Variants in ACLY observed in about 807,000 individuals in gnomAD.
ACLY encodes the protein ATP-citrate synthase.
ACLY carries 41 observed loss-of-function variants against 133.0 expected under a neutral mutation model. That is an observed-to-expected ratio of 0.31 (90% CI 0.24 to 0.40). The LOEUF is 0.40. ACLY is among the 10% of genes least tolerant of loss of function. The pLI is 1.00. For synonymous variants in ACLY, 495 were observed against 549.3 expected, an observed-to-expected ratio of 0.90 and a Z score of 1.38; for missense variants, 1,046 against 1,453.8, an observed-to-expected ratio of 0.72 and a Z score of 4.56.
intron 16 of ACLY, among the ~76,000 whole-genome samples, chr17:41,889,479 G>A (rs951011083): frequency 2.0e-4 from 23 of 114,724 alleles, no homozygotes; most frequent in African/African-American, 5.0e-4. Flanking sequence ...AGATCACGCC[G>A]CTGTACTCAC....
At chr17:41,892,478 T>A in intron 15 of ACLY, 31 bp from the exon 16 acceptor site, 1 of 1,598,924 alleles carries the variant, frequency 6.3e-7, no homozygotes, top group Non-Finnish European at 8.5e-7. Context: ...AATTAGGATA[T>A]CCTCAACCTG....
intron 18 of ACLY, among the ~76,000 whole-genome samples, chr17:41,885,275 G>A (rs1190389977): frequency 6.6e-6 from 1 of 152,082 alleles, no homozygotes; most frequent in East Asian, 1.9e-4. Flanking sequence ...TGGTCAGGCA[G>A]TACCCAAGGA....
chr17:41,888,138 A>C (rs2049104396), intron 16 of ACLY, among the ~76,000 whole-genome samples: 1 of 152,020 alleles, frequency 6.6e-6, no homozygotes, highest in African/African-American at 2.4e-5. Flanking sequence ...AAAAACAAAA[A>C]CAAAACAAAA....
chr17:41,910,684 C>G (rs1469826980), intron 3 of ACLY, among the ~76,000 whole-genome samples: 1 of 152,208 alleles, frequency 6.6e-6, no homozygotes, highest in African/African-American at 2.4e-5. Flanking sequence ...AGCCTCAGGA[C>G]ATGGGTCCGG....
At chr17:41,916,338 T>C (rs1490690695) in intron 1 of ACLY, among the ~76,000 whole-genome samples, 1 of 151,952 alleles carries the variant, frequency 6.6e-6, no homozygotes, top group Non-Finnish European at 1.5e-5. Context: ...ATCGCAACTT[T>C]AGTGGTTCAG....
At chr17:41,907,392 T>TC in intron 7 of ACLY, 50 bp downstream of exon 7, 4 of 1,491,976 alleles carry the variant, frequency 2.7e-6, no homozygotes, top group Non-Finnish European at 3.6e-6. Flanking sequence ...ATGAGTCACC[T>TC]CCCCACCGCC....
intron 24 of ACLY, 55 bp from the exon 25 acceptor site, chr17:41,871,887 G>T: frequency 6.2e-7 from 1 of 1,607,632 alleles, no homozygotes. Flanking sequence ...CCTTCAGCTG[G>T]GCAAACCAAC....
At chr17:41,868,174 C>G (rs539754691) in intron 28 of ACLY, among the ~76,000 whole-genome samples, 1 of 151,946 alleles carries the variant, frequency 6.6e-6, no homozygotes, top group East Asian at 1.9e-4. Flanking sequence ...CACGGTGGTT[C>G]ACGCCTGTAA....
At chr17:41,879,604 G>A (rs550002818) in intron 20 of ACLY, among the ~76,000 whole-genome samples, 5 of 109,450 alleles carry the variant, frequency 4.6e-5, no homozygotes, top group East Asian at 3.3e-4. Context: ...CCAAGATTGC[G>A]CCACTGCACT....
intron 3 of ACLY, among the ~76,000 whole-genome samples, chr17:41,911,265 C>T (rs544363619): frequency 6.6e-6 from 1 of 152,334 alleles, no homozygotes; most frequent in East Asian, 1.9e-4. Context: ...AAGAGAACAG[C>T]TCATCCCTGG....
Position 41,913,743 on chromosome 17 carries a change from A to T in ACLY, c.131T>A (p.Leu44Gln), listed in dbSNP as rs781951383. ...GCTGAGCAGCCAGGGGTGGTCCTGCAGCAAGCGGGCCCAGTCTGTGTCAGG... is the reference window on the plus strand; with the variant it reads ...GCTGAGCAGCCAGGGGTGGTCCTGCTGCAAGCGGGCCCAGTCTGTGTCAGG... Reference protein sequence around the residue: ...VTPDTDWARLLQDHPWLLSQN... With the variant: ...VTPDTDWARLQQDHPWLLSQN... The change falls in exon 2 of 29, where the codon CTG becomes CAG. Residue 44 changes from leucine (L) to glutamine (Q), a missense_variant. By Grantham distance (113) the Leu-to-Gln change is moderately radical (BLOSUM62 -2). Coordinates refer to ENST00000352035, the MANE Select transcript of ACLY (RefSeq NM_001096.3). The T allele has an allele frequency of 4.3e-6, 7 of 1,614,084 alleles. No homozygotes were observed. Among genetic ancestry groups the T allele is most frequent in the Admixed American group, 1.7e-5 (1 of 60,008 alleles).
At chr17:41,900,635 G>A (rs2049512006) in intron 11 of ACLY, among the ~76,000 whole-genome samples, 1 of 151,986 alleles carries the variant, frequency 6.6e-6, no homozygotes, top group African/African-American at 2.4e-5. Context: ...TGAGGAGGGA[G>A]GATCACTTGA....
At chr17:41,882,346 G>A (rs1487888249) in intron 20 of ACLY, among the ~76,000 whole-genome samples, 5 of 111,558 alleles carry the variant, frequency 4.5e-5, no homozygotes, top group South Asian at 3.3e-4. Flanking sequence ...CAGCCTGGGC[G>A]ACAGAGTGAG....
chr17:41,901,526 G>A (rs1278264544), intron 11 of ACLY, among the ~76,000 whole-genome samples, 170 bp downstream of exon 11: 1 of 152,100 alleles, frequency 6.6e-6, no homozygotes, highest in Non-Finnish European at 1.5e-5. Flanking sequence ...CCACTCCAAA[G>A]TTTAGGATAG....
chr17:41,880,942 C>T (rs1304836465), intron 20 of ACLY, among the ~76,000 whole-genome samples: 1 of 150,382 alleles, frequency 6.6e-6, no homozygotes, highest in African/African-American at 2.4e-5. Context: ...CCACCAGATA[C>T]TGAAATGCGA....
rs1555625183 is a variant in ACLY, at chr17:41,872,044, C to A, written c.2781G>T (p.Gly927=). The part of the protein sequence containing the change: ...GKDLVSSLTS[G]LLTIGDRFGG... The stretch of plus-strand genomic sequence containing the variant: ...TGACAGTACTTACGATGGTGAGCAG[C>A]CCCGAGGTGAGGCTGGAGACCAGGT... The change falls in exon 24 of 29, where the codon GGG becomes GGT. Residue 927 remains glycine, a synonymous_variant. Coordinates refer to ENST00000352035, the MANE Select transcript of ACLY (RefSeq NM_001096.3). 1.9e-6 allele frequency: 3 copies of A among 1,613,946 alleles called. No homozygotes were observed. In the South Asian group the frequency reaches 3.3e-5, roughly 18 times the overall value.
At chr17:41,910,447 T>C (rs2049868558) in intron 3 of ACLY, among the ~76,000 whole-genome samples, 163 bp from the exon 4 acceptor site, 1 of 152,208 alleles carries the variant, frequency 6.6e-6, no homozygotes, top group Non-Finnish European at 1.5e-5. Flanking sequence ...CTAAGCTCAG[T>C]AAGTCCTCAG....
chr17:41,869,728 G>C (rs1357212121), intron 25 of ACLY, 141 bp from the exon 26 acceptor site: 2 of 633,926 alleles, frequency 3.2e-6, no homozygotes, highest in African/African-American at 3.6e-5. Context: ...ATTCCATGTG[G>C]CACCAATTGT....
Position 41,901,779 on chromosome 17 carries a change from G to C in ACLY, c.1100C>G (p.Pro367Arg). ...IVRAIRDYQG[P>R]LKEHEVTIFV... Reference sequence around the variant, plus strand: ...GATTGTGACTTCGTGCTCCTTCAGGGGGCCCTGGTAATCTCGAATTGCTCT... The same window carrying C: ...GATTGTGACTTCGTGCTCCTTCAGGCGGCCCTGGTAATCTCGAATTGCTCT... Residue 367 changes from proline to arginine, a missense_variant, in exon 11 of 29, where the codon CCC becomes CGC. Around this residue, in one of 4 missense-constraint regions of ACLY, gnomAD observed 575 missense variants for 804.2 expected, o/e 0.71. Coordinates refer to ENST00000352035, the MANE Select transcript of ACLY (RefSeq NM_001096.3). 1 of 1,598,310 alleles carries C rather than the reference G, an allele frequency of 6.3e-7. No individual in the cohort carries two copies. The highest frequency in any genetic ancestry group is 2.3e-5 in the East Asian group (1 of 43,854).
Sources: allele counts gnomAD v4.1 joint callset (sites outside exome capture counted in the v4.1 genomes callset), GRCh38; gene constraint gnomAD v4.1.1; regional missense constraint gnomAD v4.1.1; transcripts MANE v1.5; gene names NCBI Gene and HGNC (gene_info 2026-07-23, HGNC 2026-07-21).